INSL6: variants seen among roughly 807,000 people sequenced by gnomAD.
The protein encoded by INSL6 is insulin-like peptide INSL6.
In INSL6, 16 loss-of-function variants were observed where a neutral mutation model predicts 9.4. The ratio of observed to expected loss-of-function variants is 1.70; its 90% CI spans 1.15 to 2.59. The LOEUF (loss-of-function observed/expected upper bound fraction) is 2.59. Among genes scored for constraint, INSL6 ranks in the 30% most tolerant of loss-of-function variants. The pLI is 0.00. For missense variants in INSL6, 391 were observed against 257.3 expected, an observed-to-expected ratio of 1.52 and a Z score of -3.56; for synonymous variants, 154 against 96.9, an observed-to-expected ratio of 1.59 and a Z score of -3.46.
the INSL6 span, among the ~76,000 whole-genome samples, chr9:5,074,621 C>G: frequency 6.6e-6 from 1 of 152,184 alleles, no homozygotes; most frequent in East Asian, 1.9e-4. Context: ...ATTCCTCTGT[C>G]TCTCTCCCTC....
chr9:5,100,688 G>C, the INSL6 span: 1 of 152,178 alleles, frequency 6.6e-6, no homozygotes, highest in East Asian at 1.9e-4. Flanking sequence ...ATCACAGCCT[G>C]ATAGAAGGAA....
intron 2 of INSL6, among the ~76,000 whole-genome samples, chr9:5,133,755 G>A (rs183511831): frequency 6.6e-6 from 1 of 152,072 alleles, no homozygotes; most frequent in Admixed American, 6.5e-5. Context: ...GCAAGAAAAG[G>A]GTGAAAATTC....
At chr9:5,068,355 A>G in the INSL6 span, among the ~76,000 whole-genome samples, 2 of 152,226 alleles carry the variant, frequency 1.3e-5, no homozygotes, top group African/African-American at 4.8e-5. Flanking sequence ...AAACTGCAAA[A>G]TATTAAAAAT....
chr9:5,039,207 A>T, the INSL6 span, among the ~76,000 whole-genome samples: 1 of 152,150 alleles, frequency 6.6e-6, no homozygotes, highest in Admixed American at 6.5e-5. Context: ...GGAAAATAAG[A>T]AGTAAAATTG....
At chr9:5,095,766 C>T in the INSL6 span, among the ~76,000 whole-genome samples, 2 of 152,170 alleles carry the variant, frequency 1.3e-5, no homozygotes, top group Admixed American at 6.5e-5. Flanking sequence ...TCTTAACCTA[C>T]TCCTCAATTA....
the INSL6 span, among the ~76,000 whole-genome samples, chr9:5,103,191 T>C: frequency 1.1e-4 from 9 of 81,648 alleles, no homozygotes; most frequent in Non-Finnish European, 2.0e-4. Context: ...AATAAAGGGA[T>C]GGAGGAAGAT....
At chr9:5,064,457 G>C in the INSL6 span, among the ~76,000 whole-genome samples, 1 of 151,604 alleles carries the variant, frequency 6.6e-6, no homozygotes, top group South Asian at 2.1e-4. Flanking sequence ...TTGAGCCTGG[G>C]AGGTGGAGGT....
chr9:5,114,722 A>G, the INSL6 span: 22,411 of 376,846 alleles, frequency 0.059, 3,886 homozygotes, highest in African/African-American at 0.4. Flanking sequence ...GGGAACAGAA[A>G]AACGAGTTCA....
the INSL6 span, among the ~76,000 whole-genome samples, chr9:5,010,749 C>G: frequency 1.3e-5 from 2 of 152,104 alleles, no homozygotes; most frequent in African/African-American, 4.8e-5. Context: ...TCCTTTAATC[C>G]ACATGATTTT....
downstream of INSL6, among the ~76,000 whole-genome samples, chr9:5,158,898 G>C (rs1325499360): frequency 1.3e-5 from 2 of 152,004 alleles, no homozygotes; most frequent in African/African-American, 4.8e-5. Context: ...TATGTAGAAA[G>C]ATGAAAGATA....
chr9:5,079,017 C>G, the INSL6 span, among the ~76,000 whole-genome samples: 1 of 152,144 alleles, frequency 6.6e-6, no homozygotes, highest in African/African-American at 2.4e-5. Context: ...GATAATTTCT[C>G]TAATTGGATG....
chr9:5,041,410 G>A, the INSL6 span: 1 of 630,102 alleles, frequency 1.6e-6, no homozygotes, highest in South Asian at 1.6e-5. Flanking sequence ...ACCTGGAGGT[G>A]CTGGGCCACA....
At chr9:5,092,381 T>G in the INSL6 span, among the ~76,000 whole-genome samples, 1 of 152,156 alleles carries the variant, frequency 6.6e-6, no homozygotes, top group Non-Finnish European at 1.5e-5. Flanking sequence ...ATATGGTAAG[T>G]GTACTGGAAA....
the INSL6 span, among the ~76,000 whole-genome samples, chr9:5,034,937 A>G: frequency 6.6e-6 from 1 of 152,090 alleles, no homozygotes; most frequent in East Asian, 1.9e-4. Flanking sequence ...AAAAAAATCA[A>G]TGAATGCTGG....
At chr9:5,179,419 T>C (rs943546874) in intron 1 of INSL6, among the ~76,000 whole-genome samples, 6 of 152,148 alleles carry the variant, frequency 3.9e-5, no homozygotes, top group Non-Finnish European at 7.3e-5. Context: ...GGTTCAACCA[T>C]TGTGGAAGAC....
the INSL6 span, among the ~76,000 whole-genome samples, chr9:5,010,968 T>A: frequency 6.6e-6 from 1 of 152,244 alleles, no homozygotes; most frequent in East Asian, 1.9e-4. Context: ...TCTTCTGGCC[T>A]CCATTACTTC....
chr9:5,168,383 T>C (rs1416151977), intron 1 of INSL6, among the ~76,000 whole-genome samples: 1 of 152,084 alleles, frequency 6.6e-6, no homozygotes, highest in Non-Finnish European at 1.5e-5. Context: ...GGAAGACAAG[T>C]AACCTGATGG....
At chr9:5,027,998 T>C in the INSL6 span, among the ~76,000 whole-genome samples, 1 of 152,180 alleles carries the variant, frequency 6.6e-6, no homozygotes, top group African/African-American at 2.4e-5. Context: ...AATGTTGACA[T>C]TTTGACCTCC....
intron 2 of INSL6, among the ~76,000 whole-genome samples, chr9:5,156,421 C>G (rs192074182): frequency 3.9e-4 from 60 of 152,236 alleles, no homozygotes; most frequent in Non-Finnish European, 1.5e-5. Context: ...TGCAAAACCC[C>G]ATTCCTATTA....
Sources: allele counts gnomAD v4.1 joint callset (sites outside exome capture counted in the v4.1 genomes callset), GRCh38; gene constraint gnomAD v4.1.1; transcripts MANE v1.5; gene names NCBI Gene and HGNC (gene_info 2026-07-23, HGNC 2026-07-21).